CACNA2D1: variants seen among roughly 807,000 people sequenced by gnomAD.
The protein encoded by CACNA2D1 is voltage-dependent calcium channel subunit alpha-2/delta-1.
A neutral mutation model predicts 171.5 loss-of-function variants in CACNA2D1; 53 were observed. The ratio of observed to expected loss-of-function variants is 0.31; its 90% CI spans 0.25 to 0.39. The LOEUF is 0.39. Among genes scored for constraint, CACNA2D1 ranks in the 10% least tolerant of loss-of-function variants. The pLI, the probability that CACNA2D1 is intolerant of heterozygous loss-of-function variation, is 1.00. For synonymous variants in CACNA2D1, 442 were observed against 443.1 expected (o/e 1.00, Z 0.03); for missense variants, 903 against 1,299.8 (o/e 0.69, Z 4.69).
chr7:82,437,325 G>C (rs1418731286), intron 1 of CACNA2D1, among the ~76,000 whole-genome samples: 1 of 151,896 alleles, frequency 6.6e-6, no homozygotes, highest in East Asian at 1.9e-4. Flanking sequence ...CCACCATAGC[G>C]TATTTTTAAT....
intron 1 of CACNA2D1, among the ~76,000 whole-genome samples, chr7:82,370,572 T>TGGATGGATGGATGGATGAAC (rs35737652): frequency 6.6e-6 from 1 of 151,056 alleles, no homozygotes; most frequent in Non-Finnish European, 1.5e-5. Flanking sequence ...GATGGATGGA[T>TGGATGGATGGATGGATGAAC]GGATGGATAG....
At chr7:82,032,990 T>TAACGA in intron 11 of CACNA2D1, 89 bp from the exon 12 acceptor site, 1 of 761,634 alleles carries the variant, frequency 1.3e-6, no homozygotes, top group African/African-American at 1.7e-5. Context: ...ATGAGCAGGT[T>TAACGA]GCAAGTAATT....
At chr7:82,223,107 T>C (rs531247504) in intron 3 of CACNA2D1, among the ~76,000 whole-genome samples, 4 of 152,054 alleles carry the variant, frequency 2.6e-5, no homozygotes, top group African/African-American at 4.8e-5. Context: ...GGTTTCAACA[T>C]GTTGGCCAGG....
chr7:82,383,356 C>T (rs1448027583), intron 1 of CACNA2D1, among the ~76,000 whole-genome samples: 2 of 152,166 alleles, frequency 1.3e-5, no homozygotes, highest in Non-Finnish European at 2.9e-5. Context: ...CTAAAAACTG[C>T]TTGCCATTCA....
chr7:82,066,582 T>C lies in CACNA2D1; in HGVS notation c.659-58A>G, dbSNP rs1584615476. On this transcript the variant is annotated intron_variant, in intron 7 of 38. Coordinates refer to ENST00000356860, the MANE Select transcript of CACNA2D1 (RefSeq NM_000722.4). ...CAAAATATTAGATATGCTCTAAAAATAATGAGACTTTAAAAATCACAAAAA... is the reference window on the plus strand; with the variant it reads ...CAAAATATTAGATATGCTCTAAAAACAATGAGACTTTAAAAATCACAAAAA... 33 of 1,527,114 alleles carry C rather than the reference T, an allele frequency of 2.2e-5. 1 individual carries two copies. In the South Asian group the frequency reaches 4.2e-4, roughly 19 times the overall value. The allele number at this position is 1,527,114 out of a possible 1,614,324, so 94.6% of individuals were successfully genotyped here.
chr7:82,200,839 C>T (rs1799345755), intron 3 of CACNA2D1, among the ~76,000 whole-genome samples: 1 of 152,160 alleles, frequency 6.6e-6, no homozygotes, highest in African/African-American at 2.4e-5. Context: ...ACATATCTAA[C>T]TGAAGCCAAT....
chr7:82,190,958 A>T (rs986309456), intron 3 of CACNA2D1, among the ~76,000 whole-genome samples: 16 of 151,754 alleles, frequency 1.1e-4, no homozygotes, highest in Non-Finnish European at 1.8e-4. Context: ...TCCATTGTAT[A>T]TGTATAGGTA....
intron 4 of CACNA2D1, among the ~76,000 whole-genome samples, chr7:82,148,954 C>T (rs1345223990): frequency 1.3e-5 from 2 of 152,124 alleles, no homozygotes; most frequent in African/African-American, 4.8e-5. Context: ...CTTCTTAATG[C>T]CTCTCATAGA....
At chr7:82,156,169 T>C (rs1353988270) in intron 4 of CACNA2D1, among the ~76,000 whole-genome samples, 2 of 152,222 alleles carry the variant, frequency 1.3e-5, no homozygotes, top group Admixed American at 6.5e-5. Flanking sequence ...AAATGAAATA[T>C]GTTGGTATAC....
chr7:82,014,353 C>T (rs1258834741), intron 13 of CACNA2D1, 48 bp downstream of exon 13: 1 of 1,017,038 alleles, frequency 9.8e-7, no homozygotes. Context: ...ATAACAACTA[C>T]CAAAATAGTT....
intron 1 of CACNA2D1, among the ~76,000 whole-genome samples, chr7:82,368,382 TA>T (rs1821988916): frequency 1.3e-5 from 2 of 152,226 alleles, no homozygotes; most frequent in Admixed American, 1.3e-4. Flanking sequence ...AAATTACTTT[TA>T]AAAGCTCATT....
rs376332310 is a variant in CACNA2D1 at position 82,063,916 on chromosome 7, C to T, written c.779+388G>A. Among the ~76,000 whole-genome samples, 86 of 151,460 alleles carry T rather than the reference C, an allele frequency of 5.7e-4. 1 individual carries two copies. Among genetic ancestry groups the T allele is most frequent in the South Asian group, 4.4e-3 (21 of 4,796 alleles). On this transcript the variant is annotated intron_variant, in intron 9 of 38. Coordinates refer to ENST00000356860, the MANE Select transcript of CACNA2D1 (RefSeq NM_000722.4). ...TCTCTTCACCCAGGCTGGAATACAGCGGCAGGAACATGGTTCACTGTAACC... is the reference window on the plus strand; with the variant it reads ...TCTCTTCACCCAGGCTGGAATACAGTGGCAGGAACATGGTTCACTGTAACC...
chr7:82,014,285 T>C, intron 13 of CACNA2D1, 116 bp downstream of exon 13: 1 of 679,566 alleles, frequency 1.5e-6, no homozygotes, highest in South Asian at 1.6e-5. Flanking sequence ...ATCTTACTCT[T>C]GTCTGATTCC....
chr7:82,278,437 G>T (rs1418123999), intron 3 of CACNA2D1, among the ~76,000 whole-genome samples: 2 of 151,396 alleles, frequency 1.3e-5, no homozygotes, highest in Non-Finnish European at 2.9e-5. Context: ...AAATTAGCTG[G>T]ATCTCAGCTA....
chr7:81,998,361 G>A (rs907167088), intron 18 of CACNA2D1, among the ~76,000 whole-genome samples: 10 of 151,856 alleles, frequency 6.6e-5, no homozygotes, highest in African/African-American at 2.2e-4. Flanking sequence ...AATAATATAA[G>A]CCTCACAGAC....
intron 6 of CACNA2D1, among the ~76,000 whole-genome samples, chr7:82,096,629 A>G (rs1383375638): frequency 8.7e-6 from 1 of 114,342 alleles, no homozygotes; most frequent in Non-Finnish European, 1.9e-5. Flanking sequence ...AGATATCAAC[A>G]TGATGGTATG....
chr7:82,174,044 A>C (rs1292847625), intron 3 of CACNA2D1, among the ~76,000 whole-genome samples: 2 of 70,180 alleles, frequency 2.8e-5, no homozygotes, highest in Admixed American at 1.5e-4. Flanking sequence ...CCCTGTCTCA[A>C]AAAAAAAAAA....
chr7:82,217,958 G>A (rs1228725097), intron 3 of CACNA2D1, among the ~76,000 whole-genome samples: 3 of 131,422 alleles, frequency 2.3e-5, no homozygotes, highest in African/African-American at 3.3e-5. Context: ...TTTTTGAGAG[G>A]GAGTCTCGCC....
chr7:82,313,658 A>C (rs1179344114), intron 3 of CACNA2D1, among the ~76,000 whole-genome samples: 1 of 152,182 alleles, frequency 6.6e-6, no homozygotes, highest in African/African-American at 2.4e-5. Flanking sequence ...TTGAGTTTTC[A>C]TATTCTGTAT....
Sources: allele counts gnomAD v4.1 joint callset (sites outside exome capture counted in the v4.1 genomes callset), GRCh38; gene constraint gnomAD v4.1.1; transcripts MANE v1.5; gene names NCBI Gene and HGNC (gene_info 2026-07-23, HGNC 2026-07-21).